The following NEXMIF variants were observed in gnomAD, a reference collection of about 807,000 sequenced individuals.
NEXMIF encodes XLMR protein related to neurite extension.
Under a neutral mutation model 62.1 loss-of-function variants are expected in NEXMIF, and 8 were observed. The observed-to-expected ratio is 0.13, with a 90% CI of 0.08 to 0.23. The LOEUF (loss-of-function observed/expected upper bound fraction) is 0.23, where lower values mean the gene tolerates loss of function less well. Ranked by LOEUF, NEXMIF falls within the 10% of genes least tolerant of loss-of-function variation. The pLI is 1.00. For synonymous variants in NEXMIF, 404 were observed against 416.6 expected (o/e 0.97, Z 0.37); for missense variants, 976 against 1,113.3 (o/e 0.88, Z 1.75).
At chrX:74,792,866 T>G (rs2080290085) in intron 1 of NEXMIF, among the ~76,000 whole-genome samples, 1 of 99,870 alleles carries the variant, frequency 1.0e-5, no homozygotes, top group Non-Finnish European at 2.0e-5. Flanking sequence ...AGCCTATGTG[T>G]GTCTCTGCAC....
At chrX:74,775,616 T>C (rs1467206732) in intron 1 of NEXMIF, among the ~76,000 whole-genome samples, 2 of 111,714 alleles carry the variant, frequency 1.8e-5, no homozygotes, top group Admixed American at 1.9e-4. Context: ...TTCCAGCCAA[T>C]GGGTATGAAG....
chrX:74,826,238 G>T (rs769157646), intron 1 of NEXMIF, among the ~76,000 whole-genome samples: 4 of 112,136 alleles, frequency 3.6e-5, no homozygotes, highest in African/African-American at 1.3e-4. Flanking sequence ...GCATCTCATT[G>T]TGGTTTTGAT....
At chrX:74,910,129 A>G (rs922546554) in intron 1 of NEXMIF, among the ~76,000 whole-genome samples, 1 of 112,184 alleles carries the variant, frequency 8.9e-6, no homozygotes, top group African/African-American at 3.2e-5. Context: ...GAGGCCCACC[A>G]TCCTCCAGAC....
chrX:74,879,360 T>A (rs1273739923), intron 1 of NEXMIF, among the ~76,000 whole-genome samples: 2 of 108,403 alleles, frequency 1.8e-5, no homozygotes, highest in Admixed American at 9.8e-5. Flanking sequence ...GTAGGATAGA[T>A]TCAAAGAGAT....
chrX:74,757,238 G>T (rs1238190936), intron 1 of NEXMIF, among the ~76,000 whole-genome samples: 1 of 112,251 alleles, frequency 8.9e-6, no homozygotes, highest in Admixed American at 9.5e-5. Flanking sequence ...TACAATATTG[G>T]ACAGAGCAGA....
chrX:74,831,360 C>A (rs1348079182), intron 1 of NEXMIF, among the ~76,000 whole-genome samples: 1 of 72,356 alleles, frequency 1.4e-5, no homozygotes, highest in African/African-American at 5.8e-5. Context: ...AACCCCACAA[C>A]AGTCCCCGGA....
chrX:74,853,479 G>T (rs977521115), intron 1 of NEXMIF, among the ~76,000 whole-genome samples: 10 of 108,756 alleles, frequency 9.2e-5, no homozygotes, highest in Non-Finnish European at 5.7e-5. Flanking sequence ...GAGGATGGGA[G>T]ATGCCACATT....
chrX:74,805,127 G>C (rs2080341127), intron 1 of NEXMIF, among the ~76,000 whole-genome samples: 1 of 112,172 alleles, frequency 8.9e-6, no homozygotes, highest in Non-Finnish European at 1.9e-5. Flanking sequence ...TAGAGGAGGG[G>C]TCATATCTGC....
chrX:74,832,118 G>A (rs941466904), intron 1 of NEXMIF, among the ~76,000 whole-genome samples: 3 of 111,538 alleles, frequency 2.7e-5, no homozygotes, highest in East Asian at 2.8e-4. Flanking sequence ...GAGTAATACC[G>A]CCCTCACAGA....
At position 74,740,705 on chromosome X, in the gene NEXMIF, G is replaced by A; in HGVS notation, c.3852C>T (p.Ala1284=). 8.3e-7 allele frequency: 1 copy of A among 1,212,069 alleles called. No homozygotes were observed. Among genetic ancestry groups the A allele is most frequent in the Non-Finnish European group, 1.1e-6 (1 of 895,588 alleles). The change falls in exon 3 of 4, where the codon GCC becomes GCT. Residue 1284 remains alanine, a synonymous_variant. Coordinates refer to ENST00000055682, the MANE Select transcript of NEXMIF (RefSeq NM_001008537.3). ...AGCCTGGGCTGCTCTCCTTCCCCAA[G>A]GCCCAATCTCCAGAAAGTCCCTTTT... The part of the protein sequence containing the change: ...PSQKGLSGDW[A]LGKESSPGWS...
At chrX:74,911,439 T>C (rs1016594172) in intron 1 of NEXMIF, among the ~76,000 whole-genome samples, 43 of 111,546 alleles carry the variant, frequency 3.9e-4, no homozygotes, top group Admixed American at 1.9e-3. Context: ...TTTGGAGCCT[T>C]CTTAAAAGAC....
chrX:74,756,098 C>T (rs1451093084), intron 1 of NEXMIF, among the ~76,000 whole-genome samples: 1 of 109,264 alleles, frequency 9.2e-6, no homozygotes, highest in Non-Finnish European at 1.9e-5. Flanking sequence ...TGGTCTCCAA[C>T]TCCTGATCTC....
intron 2 of NEXMIF, 60 bp downstream of exon 2, chrX:74,745,512 A>T: frequency 2.4e-6 from 2 of 836,008 alleles, no homozygotes; most frequent in Non-Finnish European, 3.6e-6. Context: ...CTGAAAATCC[A>T]TAGTAATAAC....
At chrX:74,786,559 AG>A (rs1266800191) in intron 1 of NEXMIF, among the ~76,000 whole-genome samples, 4 of 111,339 alleles carry the variant, frequency 3.6e-5, no homozygotes, top group Admixed American at 9.6e-5. Context: ...GAAAAAAGGT[AG>A]ACCATTCTCC....
chrX:74,753,459 G>A (rs764978443), intron 1 of NEXMIF, among the ~76,000 whole-genome samples: 87 of 111,970 alleles, frequency 7.8e-4, no homozygotes, highest in Middle Eastern at 4.6e-3. Flanking sequence ...TTACCAAGTG[G>A]AATGTAAGTT....
In NEXMIF at chrX:74,740,926, G is replaced by T; in HGVS notation, c.3631C>A (p.Pro1211Thr). 8.3e-7 allele frequency: 1 copy of T among 1,211,760 alleles called. No homozygotes were observed. Among genetic ancestry groups the T allele is most frequent in the Non-Finnish European group, 1.1e-6 (1 of 895,384 alleles). ...ACCTGGCGGGAGTTTTTGCCAGGTG[G>T]TTTTTCAATCCCCTTGTTGTTACCT... ...LKGNNKGIEK[P>T]PGKNSRQVPK... Residue 1211 changes from proline (P) to threonine (T), a missense_variant, in exon 3 of 4, where the codon CCA (proline) becomes ACA (threonine). By Grantham distance (38) the Pro-to-Thr change is conservative. Coordinates refer to ENST00000055682, the MANE Select transcript of NEXMIF (RefSeq NM_001008537.3).
intron 1 of NEXMIF, among the ~76,000 whole-genome samples, chrX:74,895,090 T>C (rs2080728852): frequency 8.9e-6 from 1 of 112,436 alleles, no homozygotes; most frequent in African/African-American, 3.2e-5. Flanking sequence ...TAGAAAACTG[T>C]TAGAAATAGT....
chrX:74,807,313 ATTGT>A (rs1423416804), intron 1 of NEXMIF, among the ~76,000 whole-genome samples: 2 of 110,992 alleles, frequency 1.8e-5, no homozygotes, highest in African/African-American at 6.6e-5. Context: ...TGTAAATGGT[ATTGT>A]TTTTCTTTTG....
intron 1 of NEXMIF, among the ~76,000 whole-genome samples, chrX:74,873,282 T>C (rs931974547): frequency 1.8e-5 from 2 of 111,545 alleles, no homozygotes; most frequent in African/African-American, 6.5e-5. Flanking sequence ...AGAATGATGA[T>C]TTCCACATTC....
Sources: gnomAD v4.1 joint callset for allele counts (sites outside exome capture counted in the v4.1 genomes callset) on GRCh38, gnomAD v4.1.1 for gene constraint, MANE v1.5 for transcripts, NCBI Gene and HGNC (gene_info 2026-07-23, HGNC 2026-07-21) for gene names.